Variants in SLCO2B1 observed in about 807,000 individuals in gnomAD.
SLCO2B1 encodes OATP-RP2.
A neutral mutation model predicts 67.3 loss-of-function variants in SLCO2B1; 41 were observed. The observed-to-expected ratio is 0.61, with a 90% confidence interval of 0.47 to 0.79. The LOEUF (loss-of-function observed/expected upper bound fraction) is 0.79. Ranked by LOEUF, SLCO2B1 falls within the 30% of genes least tolerant of loss-of-function variation. SLCO2B1 has a pLI of 0.00. For missense variants in SLCO2B1, 837 were observed against 920.1 expected (o/e 0.91, Z 1.17); for synonymous variants, 379 against 381.4 (o/e 0.99, Z 0.07).
chr11:75,168,126 C>T (rs1357743045), intron 4 of SLCO2B1, among the ~76,000 whole-genome samples: 1 of 152,128 alleles, frequency 6.6e-6, no homozygotes, highest in Non-Finnish European at 1.5e-5. Flanking sequence ...CTCCTGATCT[C>T]AGGTGATCCA....
chr11:75,184,939 C>T (rs1950131738), intron 7 of SLCO2B1, among the ~76,000 whole-genome samples: 1 of 152,166 alleles, frequency 6.6e-6, no homozygotes, highest in African/African-American at 2.4e-5. Context: ...GGAAATCTTG[C>T]AATCCATTAC....
rs548541129 is a variant in SLCO2B1, at chr11:75,204,686, C to T, written c.*106C>T. 847 of 983,118 alleles carry T rather than the reference C, an allele frequency of 8.6e-4. 6 individuals are homozygous for T. The highest frequency in any genetic ancestry group is 3.4e-4 in the Middle Eastern group (1 of 2,922). The allele number at this position is 983,118 out of a possible 1,614,324, so 60.9% of individuals were successfully genotyped here. A position where few individuals can be genotyped will look rare whatever the true frequency, so the allele number is the denominator to read the frequency against. On this transcript the variant is annotated 3_prime_UTR_variant, in exon 14 of 14. Transcript: ENST00000289575. ...AAGAGCCCTGTGTTCCATTCTGGCT[C>T]CTCCACTAAATTGCTGTGTGACTTC... is the stretch of plus-strand genomic sequence containing the variant.
intron 7 of SLCO2B1, among the ~76,000 whole-genome samples, chr11:75,185,501 C>T (rs1240027257): frequency 2.8e-5 from 3 of 106,182 alleles, no homozygotes; most frequent in African/African-American, 3.9e-5. Context: ...GTATAAGTCT[C>T]TTTTTTTTTT....
At chr11:75,170,609 G>A (rs1379020209) in intron 6 of SLCO2B1, among the ~76,000 whole-genome samples, 1 of 152,140 alleles carries the variant, frequency 6.6e-6, no homozygotes. Flanking sequence ...CGTGTGTGTG[G>A]CTGAATGGAC....
At chr11:75,185,313 G>A (rs1950135996) in intron 7 of SLCO2B1, among the ~76,000 whole-genome samples, 1 of 152,164 alleles carries the variant, frequency 6.6e-6, no homozygotes, top group Non-Finnish European at 1.5e-5. Context: ...AGGCAACATG[G>A]GAAGAGGAGG....
intron 2 of SLCO2B1, 125 bp from the exon 3 acceptor site, chr11:75,163,838 G>GC (rs1012438087): frequency 1.8e-6 from 2 of 1,109,328 alleles, no homozygotes; most frequent in African/African-American, 3.2e-5. Context: ...TCACTCTCCC[G>GC]CCCTCTGTCT....
chr11:75,177,295 TA>T (rs1565540733), intron 7 of SLCO2B1, among the ~76,000 whole-genome samples: 1 of 152,220 alleles, frequency 6.6e-6, no homozygotes. Flanking sequence ...GTTCTGTTCC[TA>T]AAAACCAGCT....
At chr11:75,160,895 T>G (rs1029015780) in intron 1 of SLCO2B1, among the ~76,000 whole-genome samples, 1 of 152,194 alleles carries the variant, frequency 6.6e-6, no homozygotes. Flanking sequence ...ACCTCTACCC[T>G]ATGAGGATGG....
At chr11:75,187,247 T>C (rs1944951228) in intron 7 of SLCO2B1, among the ~76,000 whole-genome samples, 1 of 152,184 alleles carries the variant, frequency 6.6e-6, no homozygotes. Context: ...CTTTCTTATT[T>C]CTGACAGTCA....
intron 1 of SLCO2B1, among the ~76,000 whole-genome samples, chr11:75,154,450 A>C (rs1949723984): frequency 6.6e-6 from 1 of 152,114 alleles, no homozygotes; most frequent in African/African-American, 2.4e-5. Flanking sequence ...CAGTGAGCCG[A>C]GATTGCACCA....
At chr11:75,159,286 G>C (rs1949784964) in intron 1 of SLCO2B1, among the ~76,000 whole-genome samples, 1 of 152,326 alleles carries the variant, frequency 6.6e-6, no homozygotes, top group East Asian at 1.9e-4. Flanking sequence ...CCTAGCCCCT[G>C]GAGCCACCTG....
chr11:75,162,667 A>T lies in SLCO2B1; in HGVS notation c.29A>T (p.Glu10Val), dbSNP rs1450364580. MGPRIGPAG[E>V]VPQVPDKETK... Reference sequence around the variant, plus strand: ...TTCTGTCCCTCAGGGCCAGCGGGTGAGGTACCCCAGGTACCAGACAAGGAA... The same window carrying T: ...TTCTGTCCCTCAGGGCCAGCGGGTGTGGTACCCCAGGTACCAGACAAGGAA... Residue 10 changes from glutamate to valine, a missense_variant, in exon 2 of 14, where the codon GAG (glutamate) becomes GTG (valine). Coordinates refer to ENST00000289575, the MANE Select transcript of SLCO2B1 (RefSeq NM_007256.5). 1.9e-6 allele frequency: 3 copies of T among 1,613,458 alleles called. No homozygotes were observed.
chr11:75,203,177 G>C (rs1393005084), intron 12 of SLCO2B1, 130 bp from the exon 13 acceptor site: 5 of 1,359,004 alleles, frequency 3.7e-6, no homozygotes, highest in Non-Finnish European at 5.0e-6. Context: ...ATGCAGGGGT[G>C]GGGCGGGCTT....
chr11:75,188,544 G>A (rs1944971495), intron 8 of SLCO2B1, among the ~76,000 whole-genome samples: 2 of 152,096 alleles, frequency 1.3e-5, no homozygotes, highest in Non-Finnish European at 2.9e-5. Context: ...TGGCCAACAT[G>A]GTTAAACCCT....
intron 7 of SLCO2B1, among the ~76,000 whole-genome samples, chr11:75,175,095 T>C (rs536788250): frequency 1.3e-5 from 2 of 152,330 alleles, no homozygotes; most frequent in African/African-American, 4.8e-5. Context: ...CCTGTCTGGC[T>C]GTCTGGATTC....
chr11:75,204,735 A>G lies in SLCO2B1; in HGVS notation c.*155A>G, dbSNP rs541404703. On this transcript the variant is annotated 3_prime_UTR_variant, in exon 14 of 14. Transcript: ENST00000289575. Reference sequence around the variant, plus strand: ...TCAGGCAAGACATTGATCCTCTCTCAGCCTTTGCTTGCTAGTCTGAACCAA... The same window carrying G: ...TCAGGCAAGACATTGATCCTCTCTCGGCCTTTGCTTGCTAGTCTGAACCAA... 12 of 604,614 alleles carry G rather than the reference A, an allele frequency of 2.0e-5. No homozygotes were observed. In the East Asian group the frequency reaches 3.9e-4, roughly 20 times the overall value. The allele number at this position is 604,614 out of a possible 1,614,324, so 37.5% of individuals were successfully genotyped here.
chr11:75,205,819 T>C lies in SLCO2B1; in HGVS notation c.*1239T>C, dbSNP rs1182710175. On this transcript the variant is annotated 3_prime_UTR_variant, in exon 14 of 14. Coordinates refer to ENST00000289575, the MANE Select transcript of SLCO2B1 (RefSeq NM_007256.5). ...TTATTTCCTTGCGGGGAGGAGAGGGTTTGCTAATCTGCTCCCAGCCCAACC... is the reference window on the plus strand; with the variant it reads ...TTATTTCCTTGCGGGGAGGAGAGGGCTTGCTAATCTGCTCCCAGCCCAACC... The C allele has an allele frequency of 6.6e-6, 1 of 152,042 alleles. No homozygotes were observed. Among genetic ancestry groups the C allele is most frequent in the Non-Finnish European group, 1.5e-5 (1 of 68,006 alleles). The allele number at this position is 152,042 out of a possible 1,614,324, so 9.4% of individuals were successfully genotyped here.
chr11:75,188,142 G>T lies in SLCO2B1; in HGVS notation c.979G>T (p.Asp327Tyr). The change falls in exon 8 of 14, where the codon GAC becomes TAC. Residue 327 changes from aspartate to tyrosine, a missense_variant. Physicochemically the swap from Asp to Tyr is radical, Grantham distance 160. Transcript: ENST00000289575. ...GGTTTTGTGTCTCCTTCAGGGCAAG[G>T]ACTCTCCCTCTAAGCAGAGCCCTGG... ...VTDSPARKGK[D>Y]SPSKQSPGES... 3 of 1,612,838 alleles carry T rather than the reference G, an allele frequency of 1.9e-6. No homozygotes were observed. Among genetic ancestry groups the T allele is most frequent in the Non-Finnish European group, 2.5e-6 (3 of 1,179,236 alleles).
chr11:75,159,964 A>C, intron 1 of SLCO2B1: 1 of 620,518 alleles, frequency 1.6e-6, no homozygotes, highest in Non-Finnish European at 2.0e-6. Flanking sequence ...GGGGCTAGAC[A>C]GGCTGGGGCA....
Sources: gnomAD v4.1 joint callset for allele counts (sites outside exome capture counted in the v4.1 genomes callset) on GRCh38, gnomAD v4.1.1 for gene constraint, MANE v1.5 for transcripts, NCBI Gene and HGNC (gene_info 2026-07-23, HGNC 2026-07-21) for gene names.